Variants in AGMO observed in about 807,000 individuals in gnomAD.
The protein encoded by AGMO is alkylglycerol monooxygenase.
In AGMO, 75 loss-of-function variants were observed where a neutral mutation model predicts 60.2. That is an observed-to-expected ratio of 1.25 (90% CI 1.03 to 1.51). The LOEUF is 1.51. AGMO is among the 40% of genes most tolerant of loss of function. The pLI, the probability that AGMO is intolerant of heterozygous loss-of-function variation, is 0.00. For synonymous variants in AGMO, 261 were observed against 177.1 expected (o/e 1.47, Z -3.76); for missense variants, 763 against 525.5 (o/e 1.45, Z -4.42).
chr7:15,171,179 C>A, the AGMO span, among the ~76,000 whole-genome samples: 1 of 151,962 alleles, frequency 6.6e-6, no homozygotes, highest in Non-Finnish European at 1.5e-5. Context: ...GACGGGGTTT[C>A]ACCGTGTTAG....
At chr7:15,496,921 G>T (rs1036229337) in intron 3 of AGMO, among the ~76,000 whole-genome samples, 4 of 152,080 alleles carry the variant, frequency 2.6e-5, no homozygotes, top group Non-Finnish European at 5.9e-5. Context: ...AACACCTGTT[G>T]TCCCTCAAAT....
At chr7:15,341,930 T>C (rs1014310514) in intron 12 of AGMO, among the ~76,000 whole-genome samples, 1 of 151,828 alleles carries the variant, frequency 6.6e-6, no homozygotes, top group African/African-American at 2.4e-5. Context: ...TGCTCTATGA[T>C]TCAATTATCT....
the AGMO span, among the ~76,000 whole-genome samples, chr7:15,139,538 C>T: frequency 3.3e-5 from 5 of 152,074 alleles, no homozygotes; most frequent in African/African-American, 4.8e-5. Context: ...AAGTAGGCCC[C>T]CGTGCCTGTA....
chr7:15,155,238 A>T, the AGMO span, among the ~76,000 whole-genome samples: 12 of 152,056 alleles, frequency 7.9e-5, no homozygotes, highest in African/African-American at 2.7e-4. Flanking sequence ...AATACCAATG[A>T]GTCTCAGCTT....
Position 15,219,826 on chromosome 7 carries a change from G to C in AGMO, c.1264-18467C>G, listed in dbSNP as rs10267632. 5.6e-3 allele frequency among the ~76,000 whole-genome samples: 854 copies of C among 152,264 alleles called. 6 individuals are homozygous for C. Among genetic ancestry groups the C allele is most frequent in the African/African-American group, 0.019 (806 of 41,556 alleles). On this transcript the variant is annotated intron_variant, in intron 12 of 12. Coordinates refer to ENST00000342526, the MANE Select transcript of AGMO (RefSeq NM_001004320.2). ...TTTGAGGGGATTACACTGTGAAAGT[G>C]AATGAGTTCTCCAAGGAGTATATAC...
chr7:15,377,618 T>C (rs769284319), intron 10 of AGMO, among the ~76,000 whole-genome samples: 62 of 152,064 alleles, frequency 4.1e-4, no homozygotes, highest in Non-Finnish European at 5.4e-4. Flanking sequence ...TTTTATTTAA[T>C]ACAACTAAGA....
At chr7:15,437,982 T>C (rs1435734581) in intron 3 of AGMO, among the ~76,000 whole-genome samples, 2 of 152,156 alleles carry the variant, frequency 1.3e-5, no homozygotes, top group East Asian at 3.9e-4. Context: ...CTTTAACATA[T>C]TTTTTCTTTT....
chr7:15,201,827 A>G (rs1251409803), intron 12 of AGMO, among the ~76,000 whole-genome samples: 3 of 152,206 alleles, frequency 2.0e-5, no homozygotes, highest in African/African-American at 2.4e-5. Flanking sequence ...ATTAAATTCT[A>G]AACACTGCTG....
At chr7:15,196,175 T>TGAGGTATTACAGGCACCACCA (rs1781111489), downstream of AGMO, among the ~76,000 whole-genome samples, 1 of 151,854 alleles carries the variant, frequency 6.6e-6, no homozygotes, top group Non-Finnish European at 1.5e-5. Context: ...CCAGAGTAGC[T>TGAGGTATTACAGGCACCACCA]GGTATTACAG....
intron 3 of AGMO, among the ~76,000 whole-genome samples, chr7:15,532,674 A>G (rs1784398872): frequency 6.6e-6 from 1 of 150,894 alleles, no homozygotes; most frequent in Non-Finnish European, 1.5e-5. Flanking sequence ...AAAAATAGCA[A>G]GAGAGCATCT....
chr7:15,201,440 T>A, intron 12 of AGMO, 81 bp from the exon 13 acceptor site: 2 of 1,000,616 alleles, frequency 2.0e-6, no homozygotes, highest in South Asian at 3.0e-5. Flanking sequence ...AATATTTCCC[T>A]AGAGGAAAAT....
At chr7:15,393,989 T>C in intron 6 of AGMO, 124 bp downstream of exon 6, 1 of 466,512 alleles carries the variant, frequency 2.1e-6, no homozygotes, top group Non-Finnish European at 3.5e-6. Flanking sequence ...AAGAAGAAAC[T>C]ATTATTTATT....
At chr7:15,169,842 G>T in the AGMO span, among the ~76,000 whole-genome samples, 1 of 152,200 alleles carries the variant, frequency 6.6e-6, no homozygotes, top group Admixed American at 6.5e-5. Flanking sequence ...GTTTGTTTCA[G>T]TCTTCTTCAG....
chr7:15,167,730 T>C, the AGMO span, among the ~76,000 whole-genome samples: 6 of 152,332 alleles, frequency 3.9e-5, no homozygotes, highest in East Asian at 1.2e-3. Context: ...CACCTATCAG[T>C]GCTTTGGCAT....
At chr7:15,188,550 C>T in the AGMO span, among the ~76,000 whole-genome samples, 5 of 152,122 alleles carry the variant, frequency 3.3e-5, no homozygotes, top group Non-Finnish European at 7.4e-5. Context: ...TTGGTGTCTT[C>T]AAACTGTAGA....
Position 15,230,074 on chromosome 7 carries a change from C to T in AGMO, c.1264-28715G>A, listed in dbSNP as rs112114490. Among the ~76,000 whole-genome samples the T allele has an allele frequency of 9.3e-3, 1,419 of 151,812 alleles. 16 individuals are homozygous for T. The highest frequency in any genetic ancestry group is 0.033 in the African/African-American group (1,356 of 41,438). On this transcript the variant is annotated intron_variant, in intron 12 of 12. Transcript: ENST00000342526. ...ATAAATGTCTACACATAGGCACATA[C>T]AAAATTTCAAGCCAAATTTTCTTAA...
At chr7:15,546,493 A>G (rs923517067) in intron 2 of AGMO, among the ~76,000 whole-genome samples, 1 of 152,238 alleles carries the variant, frequency 6.6e-6, no homozygotes, top group Admixed American at 6.5e-5. Context: ...TGTGCCTTGC[A>G]TGGGCCTGTT....
At chr7:15,463,382 A>C (rs941952011) in intron 3 of AGMO, among the ~76,000 whole-genome samples, 11 of 152,180 alleles carry the variant, frequency 7.2e-5, no homozygotes, top group Non-Finnish European at 2.9e-5. Flanking sequence ...TTTGTGTCAC[A>C]ATAGCTGCCA....
At chr7:15,536,279 T>A (rs1784481841) in intron 3 of AGMO, among the ~76,000 whole-genome samples, 2 of 151,848 alleles carry the variant, frequency 1.3e-5, no homozygotes, top group Non-Finnish European at 2.9e-5. Context: ...AGAGTTGAAC[T>A]CAGGGAACTT....
Sources: allele counts gnomAD v4.1 joint callset (sites outside exome capture counted in the v4.1 genomes callset), GRCh38; gene constraint gnomAD v4.1.1; transcripts MANE v1.5; gene names NCBI Gene and HGNC (gene_info 2026-07-23, HGNC 2026-07-21).